SGIP1: variants seen among roughly 807,000 people sequenced by gnomAD.
The protein encoded by SGIP1 is SH3-containing GRB2-like protein 3-interacting protein 1.
SGIP1 carries 38 observed loss-of-function variants against 107.5 expected under a neutral mutation model. The observed-to-expected ratio is 0.35, with a 90% CI of 0.27 to 0.46. The LOEUF (loss-of-function observed/expected upper bound fraction) is 0.46. Among genes scored for constraint, SGIP1 ranks in the 20% least tolerant of loss-of-function variants. The probability of loss-of-function intolerance (pLI) is 1.00; values close to 1 mark genes in which losing one functional copy is unlikely to be tolerated. For synonymous variants in SGIP1, 365 were observed against 366.1 expected (o/e 1.00, Z 0.03); for missense variants, 929 against 1,019.5 (o/e 0.91, Z 1.21).
intron 1 of SGIP1, among the ~76,000 whole-genome samples, chr1:66,620,445 A>T (rs1274424691): frequency 6.6e-6 from 1 of 152,210 alleles, no homozygotes; most frequent in Non-Finnish European, 1.5e-5. Context: ...ATTGACTCAC[A>T]GTTCCACATG....
chr1:66,591,695 G>C (rs998565460), intron 1 of SGIP1, among the ~76,000 whole-genome samples: 1 of 152,206 alleles, frequency 6.6e-6, no homozygotes, highest in African/African-American at 2.4e-5. Context: ...CTGGCGCTCA[G>C]CATAGGGAGG....
chr1:66,712,205 C>A (rs750023200), intron 18 of SGIP1, among the ~76,000 whole-genome samples: 9 of 152,264 alleles, frequency 5.9e-5, no homozygotes, highest in Non-Finnish European at 1.0e-4. Flanking sequence ...ATAATAGATA[C>A]TACCATTTAT....
At chr1:66,673,229 T>C in intron 11 of SGIP1, 52 bp from the exon 12 acceptor site, 1 of 1,536,866 alleles carries the variant, frequency 6.5e-7, no homozygotes, top group Non-Finnish European at 9.0e-7. Context: ...TCTTTTTGAG[T>C]ATTAATTTTT....
At chr1:66,626,968 C>T (rs966991698) in intron 2 of SGIP1, among the ~76,000 whole-genome samples, 1 of 152,112 alleles carries the variant, frequency 6.6e-6, no homozygotes, top group Non-Finnish European at 1.5e-5. Flanking sequence ...GTCACAAGAT[C>T]CTGAGTATTT....
intron 1 of SGIP1, among the ~76,000 whole-genome samples, chr1:66,564,809 C>T (rs1371551816): frequency 1.3e-5 from 2 of 151,866 alleles, no homozygotes; most frequent in Non-Finnish European, 2.9e-5. Context: ...CCCTCCTTCC[C>T]AAGGAGGAAT....
At chr1:66,660,170 A>AGG (rs1491506059) in intron 7 of SGIP1, 3 of 133,432 alleles carry the variant, frequency 2.2e-5, no homozygotes, top group African/African-American at 1.4e-4. Flanking sequence ...AAAGAAAGAA[A>AGG]GAAAGAAAGA....
rs752857042 is a variant in SGIP1 at position 66,682,283 on chromosome 1, C to T, written c.1229C>T (p.Thr410Ile). ...GATTTTGGGTTGGGACAAAGAGCAACTCCACCTCCCCCACCACCACCCACC... is the reference window on the plus strand; with the variant it reads ...GATTTTGGGTTGGGACAAAGAGCAATTCCACCTCCCCCACCACCACCCACC... Reference protein sequence around the residue: ...PKDFGLGQRATPPPPPPPTYR... With the variant: ...PKDFGLGQRAIPPPPPPPTYR... The change falls in exon 15 of 25, where the codon ACT becomes ATT. Residue 410 changes from threonine to isoleucine, a missense_variant. Transcript: ENST00000371037. The T allele has an allele frequency of 6.2e-7, 1 of 1,614,232 alleles. No homozygotes were observed. The highest frequency in any genetic ancestry group is 1.7e-5 in the Admixed American group (1 of 60,038).
chr1:66,570,445 A>G (rs2060230245), intron 1 of SGIP1, among the ~76,000 whole-genome samples: 1 of 151,896 alleles, frequency 6.6e-6, no homozygotes, highest in African/African-American at 2.4e-5. Context: ...AATGTTAAGC[A>G]TTTTCCTAAG....
At chr1:66,737,488 T>C (rs111307658) in intron 21 of SGIP1, among the ~76,000 whole-genome samples, 3,455 of 151,926 alleles carry the variant, frequency 0.023, 128 homozygotes, top group African/African-American at 0.08. Context: ...AGCCCAGGAG[T>C]TCGAGACTAG....
chr1:66,693,372 TAGAGAA>T (rs2090280825), intron 17 of SGIP1, among the ~76,000 whole-genome samples: 1 of 152,114 alleles, frequency 6.6e-6, no homozygotes, highest in Non-Finnish European at 1.5e-5. Flanking sequence ...ATTATGAGGA[TAGAGAA>T]ATTGCTTAAA....
At chr1:66,717,758 G>T (rs768161147) in intron 18 of SGIP1, among the ~76,000 whole-genome samples, 2 of 152,074 alleles carry the variant, frequency 1.3e-5, no homozygotes, top group Non-Finnish European at 2.9e-5. Flanking sequence ...TTTGAGCCTT[G>T]GTTCCATCAA....
Position 66,741,453 on chromosome 1 carries a change from A to AT in SGIP1, c.2464+23dup, listed in dbSNP as rs2094443417. 2.6e-6 allele frequency: 4 copies of AT among 1,538,488 alleles called. No individual in the cohort carries two copies. The highest frequency in any genetic ancestry group is 3.5e-6 in the Non-Finnish European group (4 of 1,140,002). ...TTGCTGCAGGTAAATGAGTATCTTG[A>AT]TTTTTTCATTTGCGAAAATAATGTT... is the stretch of plus-strand genomic sequence containing the variant. On this transcript the variant is annotated intron_variant, in intron 24 of 24. Transcript: ENST00000371037.
intron 12 of SGIP1, among the ~76,000 whole-genome samples, chr1:66,674,267 A>G (rs978056268): frequency 3.3e-5 from 5 of 152,242 alleles, no homozygotes; most frequent in Non-Finnish European, 7.3e-5. Flanking sequence ...AGAGTTAAAC[A>G]TTTAACATTT....
chr1:66,682,564 T>G (rs2086995252), intron 15 of SGIP1, among the ~76,000 whole-genome samples, 195 bp downstream of exon 15: 1 of 152,148 alleles, frequency 6.6e-6, no homozygotes. Flanking sequence ...TCTGTGGATG[T>G]GTTCTGCCTT....
intron 12 of SGIP1, among the ~76,000 whole-genome samples, chr1:66,674,864 A>T (rs2084814337): frequency 6.6e-6 from 1 of 152,186 alleles, no homozygotes. Flanking sequence ...TAGCCAGCTA[A>T]AATTCTGTTA....
At chr1:66,684,192 G>C in intron 15 of SGIP1, 1 of 1,550,576 alleles carries the variant, frequency 6.4e-7, no homozygotes, top group South Asian at 1.2e-5. Flanking sequence ...ACTCAGGTCT[G>C]TCTGAGCTGG....
chr1:66,693,194 ACCCCAGGAATT>A (rs970146867), intron 17 of SGIP1, among the ~76,000 whole-genome samples: 1 of 151,762 alleles, frequency 6.6e-6, no homozygotes, highest in Non-Finnish European at 1.5e-5. Flanking sequence ...GGATTACATG[ACCCCAGGAATT>A]CAGGACAAGC....
At chr1:66,677,565 T>C (rs2085673794) in intron 13 of SGIP1, among the ~76,000 whole-genome samples, 1 of 152,148 alleles carries the variant, frequency 6.6e-6, no homozygotes, top group Non-Finnish European at 1.5e-5. Context: ...TGAGGCTATA[T>C]GGTAGAGAGA....
rs1258551279 is a variant in SGIP1, at chr1:66,637,833, A to G, written c.171+1818A>G. The stretch of plus-strand genomic sequence containing the variant: ...TGTGTATGTATATATGTGTGTACAT[A>G]TACATACACACATATATACATACAC... On this transcript the variant is annotated intron_variant, in intron 4 of 24. Transcript: ENST00000371037. Among the ~76,000 whole-genome samples the G allele has an allele frequency of 1.4e-4, 21 of 150,162 alleles. No individual in the cohort carries two copies. The South Asian group carries it at 4.0e-3, about 29-fold the overall frequency.
Sources: gnomAD v4.1 joint callset for allele counts (sites outside exome capture counted in the v4.1 genomes callset) on GRCh38, gnomAD v4.1.1 for gene constraint, MANE v1.5 for transcripts, NCBI Gene and HGNC (gene_info 2026-07-23, HGNC 2026-07-21) for gene names.